Variants in TTPAL observed in about 807,000 individuals in gnomAD.
TTPAL encodes alpha tocopherol transfer protein like.
TTPAL carries 21 observed loss-of-function variants against 28.7 expected under a neutral mutation model. The ratio of observed to expected loss-of-function variants is 0.73; its 90% CI spans 0.52 to 1.06. The LOEUF (loss-of-function observed/expected upper bound fraction) is 1.06, where lower values mean the gene tolerates loss of function less well. Ranked by LOEUF, TTPAL falls within the 50% of genes least tolerant of loss-of-function variation. TTPAL has a pLI of 0.00. For missense variants in TTPAL, 345 were observed against 425.5 expected (o/e 0.81, Z 1.67); for synonymous variants, 169 against 171.9 (o/e 0.98, Z 0.13).
rs758043564 is a variant in TTPAL, at chr20:44,489,317, A to G, written c.805A>G (p.Ile269Val). Residue 269 changes from isoleucine to valine, a missense_variant, in exon 5 of 5, where the codon ATC (isoleucine) becomes GTC (valine). Coordinates refer to ENST00000262605, the MANE Select transcript of TTPAL (RefSeq NM_001039199.3). The stretch of plus-strand genomic sequence containing the variant: ...TCTCCACACAAACCTTCCAAGAAGC[A>G]TCCTCCCCAAGGAGTATGGGGGCAC... ...NSLHTNLPRS[I>V]LPKEYGGTAG... The G allele has an allele frequency of 5.6e-6, 9 of 1,614,154 alleles. No homozygotes were observed. Among genetic ancestry groups the G allele is most frequent in the Non-Finnish European group, 7.6e-6 (9 of 1,180,022 alleles).
In TTPAL at chr20:44,489,304, C is replaced by T. The variant is rs1456270553; in HGVS notation, c.792C>T (p.Asn264=). The change falls in exon 5 of 5, where the codon AAC becomes AAT. Residue 264 remains asparagine (N), a synonymous_variant. Coordinates refer to ENST00000262605, the MANE Select transcript of TTPAL (RefSeq NM_001039199.3). ...HGSDLNSLHT[N]LPRSILPKEY... ...CTGACTTGAACTCTCTCCACACAAA[C>T]CTTCCAAGAAGCATCCTCCCCAAGG... The T allele has an allele frequency of 6.2e-7, 1 of 1,614,182 alleles. No individual in the cohort carries two copies. Among genetic ancestry groups the T allele is most frequent in the Admixed American group, 1.7e-5 (1 of 60,018 alleles).
intron 3 of TTPAL, chr20:44,485,836 G>GT (rs1317763493): frequency 6.6e-6 from 1 of 152,206 alleles, no homozygotes; most frequent in Non-Finnish European, 1.5e-5. Flanking sequence ...GAATTTCACT[G>GT]TAAGAATTTA....
chr20:44,482,398 C>T (rs2064113822), intron 2 of TTPAL, among the ~76,000 whole-genome samples: 1 of 150,900 alleles, frequency 6.6e-6, no homozygotes, highest in Non-Finnish European at 1.5e-5. Flanking sequence ...AACCCCCACC[C>T]CCTGTCTCTA....
intron 2 of TTPAL, among the ~76,000 whole-genome samples, chr20:44,482,913 A>G (rs900585506): frequency 2.6e-5 from 4 of 151,958 alleles, no homozygotes; most frequent in African/African-American, 7.3e-5. Context: ...GTTGGAGTGC[A>G]GTGGCGCGAT....
Position 44,491,068 on chromosome 20 carries a change from T to A in TTPAL, c.*1527T>A, listed in dbSNP as rs1217336010. On this transcript the variant is annotated 3_prime_UTR_variant, in exon 5 of 5. Coordinates refer to ENST00000262605, the MANE Select transcript of TTPAL (RefSeq NM_001039199.3). Reference sequence around the variant, plus strand: ...TCCAGCCTGGGCGACAGAGCAAGACTCTGCCTCAAAAAAAAAAAAAAAAAA... The same window carrying A: ...TCCAGCCTGGGCGACAGAGCAAGACACTGCCTCAAAAAAAAAAAAAAAAAA... 8.7e-5 allele frequency: 11 copies of A among 126,314 alleles called. No individual in the cohort carries two copies. Among genetic ancestry groups the A allele is most frequent in the East Asian group, 2.4e-4 (1 of 4,212 alleles). 7.8% of individuals were successfully genotyped at this position (126,314 alleles called of 1,614,324 possible).
intron 3 of TTPAL, chr20:44,486,335 G>A (rs1375417839): frequency 7.7e-6 from 2 of 260,134 alleles, no homozygotes; most frequent in African/African-American, 4.5e-5. Flanking sequence ...GCCCACCTCG[G>A]CCTCCCAAAC....
rs539967450 is a variant in TTPAL at position 44,493,854 on chromosome 20, T to C, written c.*4313T>C. ...GAGTTTGAGACCAGCCTGGCCAACA[T>C]GGTGAAACCCCATCTCTACTAAAAA... On this transcript the variant is annotated 3_prime_UTR_variant, in exon 5 of 5. Transcript: ENST00000262605. The C allele has an allele frequency of 5.9e-5, 9 of 152,338 alleles. No individual in the cohort carries two copies. The highest frequency in any genetic ancestry group is 2.2e-4 in the African/African-American group (9 of 41,528). 9.4% of individuals were successfully genotyped at this position (152,338 alleles called of 1,614,324 possible).
At chr20:44,479,069 G>A (rs1313755557) in intron 1 of TTPAL, among the ~76,000 whole-genome samples, 4 of 152,002 alleles carry the variant, frequency 2.6e-5, no homozygotes, top group Admixed American at 6.6e-5. Context: ...GATTACAGGC[G>A]TGAGCCACCG....
chr20:44,494,266 G>A lies in TTPAL; in HGVS notation c.*4725G>A, dbSNP rs987121711. The stretch of plus-strand genomic sequence containing the variant: ...TGAGATGCTGCTGCTGTGGATTCTT[G>A]TAGCTATGCCTCGGCTTCTTGGCAT... On this transcript the variant is annotated 3_prime_UTR_variant, in exon 5 of 5. Transcript: ENST00000262605. 1 of 152,686 alleles carries A rather than the reference G, an allele frequency of 6.5e-6. No homozygotes were observed. The highest frequency in any genetic ancestry group is 2.4e-5 in the African/African-American group (1 of 41,426). 9.5% of individuals were successfully genotyped at this position (152,686 alleles called of 1,614,324 possible).
chr20:44,489,509 G>C lies in TTPAL; in HGVS notation c.997G>C (p.Ala333Pro). 6.2e-7 allele frequency: 1 copy of C among 1,614,232 alleles called. No individual in the cohort carries two copies. Among genetic ancestry groups the C allele is most frequent in the Non-Finnish European group, 8.5e-7 (1 of 1,180,036 alleles). Residue 333 changes from alanine to proline, a missense_variant, in exon 5 of 5, where the codon GCT (alanine) becomes CCT (proline). By Grantham distance (27) the Ala-to-Pro change is conservative. Transcript: ENST00000262605. ...TGCACAGTGTGACGACTCCTTGCGA[G>C]CTGTGAAGTCACAGCTGTACTCCTG... Reference protein sequence around the residue: ...SDAQCDDSLRAVKSQLYSCY With the variant: ...SDAQCDDSLRPVKSQLYSCY
intron 1 of TTPAL, among the ~76,000 whole-genome samples, chr20:44,477,654 T>C (rs1034569302): frequency 2.0e-5 from 3 of 151,736 alleles, no homozygotes; most frequent in African/African-American, 4.8e-5. Context: ...TATTTATTTA[T>C]TTATTTATTT....
intron 2 of TTPAL, among the ~76,000 whole-genome samples, chr20:44,482,370 C>T (rs534248599): frequency 3.2e-3 from 490 of 151,782 alleles, no homozygotes; most frequent in African/African-American, 9.4e-3. Context: ...ACACAGTAAA[C>T]GGCCCCCGCC....
chr20:44,480,736 C>T lies in TTPAL; in HGVS notation c.445+292C>T, dbSNP rs1404270767. On this transcript the variant is annotated intron_variant, in intron 2 of 4. Coordinates refer to ENST00000262605, the MANE Select transcript of TTPAL (RefSeq NM_001039199.3). The surrounding 1 kb of genome is among the most constrained non-coding windows in gnomAD (Gnocchi z 4.1). The stretch of plus-strand genomic sequence containing the variant: ...ACCAGGAGCCAAGACAGCCGTTCTC[C>T]CTGTCTCTGCCTGACGGTCTGTGTA... Among the ~76,000 whole-genome samples the T allele has an allele frequency of 1.3e-5, 2 of 152,206 alleles. No homozygotes were observed. Among genetic ancestry groups the T allele is most frequent in the Non-Finnish European group, 2.9e-5 (2 of 68,040 alleles).
Position 44,489,379 on chromosome 20 carries a change from A to T in TTPAL, c.867A>T (p.Val289=). The part of the protein sequence containing the change: ...GELDTATWNA[V]LLASEDDFVK... ...TGGACACTGCCACCTGGAACGCGGT[A>T]CTGCTGGCTTCAGAAGACGATTTTG... The change falls in exon 5 of 5, where the codon GTA becomes GTT. Residue 289 remains valine (V), a synonymous_variant. Coordinates refer to ENST00000262605, the MANE Select transcript of TTPAL (RefSeq NM_001039199.3). 1 of 1,614,134 alleles carries T rather than the reference A, an allele frequency of 6.2e-7. No individual in the cohort carries two copies. Among genetic ancestry groups the T allele is most frequent in the Non-Finnish European group, 8.5e-7 (1 of 1,180,010 alleles).
At position 44,490,914 on chromosome 20, in the gene TTPAL, A is replaced by T. The variant is rs2064199091; in HGVS notation, c.*1373A>T. 1 of 151,300 alleles carries T rather than the reference A, an allele frequency of 6.6e-6. No homozygotes were observed. Among genetic ancestry groups the T allele is most frequent in the African/African-American group, 2.4e-5 (1 of 41,092 alleles). 9.4% of individuals were successfully genotyped at this position (151,300 alleles called of 1,614,324 possible). A position where few individuals can be genotyped will look rare whatever the true frequency, so the allele number is the denominator to read the frequency against. ...AAGATGGTGAAACCCCATCTCTACT[A>T]AAAATACAAAAATTAGCTGGGCGTG... On this transcript the variant is annotated 3_prime_UTR_variant, in exon 5 of 5. Coordinates refer to ENST00000262605, the MANE Select transcript of TTPAL (RefSeq NM_001039199.3).
In TTPAL at chr20:44,486,722, A is replaced by G. The variant is rs528272283; in HGVS notation, c.750+16A>G. The G allele has an allele frequency of 3.6e-5, 52 of 1,431,932 alleles. No homozygotes were observed. The South Asian group carries it at 5.0e-4, about 14-fold the overall frequency. 88.7% of individuals were successfully genotyped at this position (1,431,932 alleles called of 1,614,324 possible). On this transcript the variant is annotated intron_variant, in intron 4 of 4. Coordinates refer to ENST00000262605, the MANE Select transcript of TTPAL (RefSeq NM_001039199.3). ...AGCAAACAGAGTAAGTGATGATCCT[A>G]TTGACTTCAGATTTTTCTTTTCCTC...
intron 4 of TTPAL, among the ~76,000 whole-genome samples, 172 bp downstream of exon 4, chr20:44,486,878 T>A (rs972031864): frequency 6.6e-6 from 1 of 152,150 alleles, no homozygotes; most frequent in African/African-American, 2.4e-5. Flanking sequence ...GAAGAGTAAA[T>A]GAACAAGAAT....
Position 44,484,539 on chromosome 20 carries a change from C to T in TTPAL, c.639+9C>T, listed in dbSNP as rs537101910. The T allele has an allele frequency of 5.8e-6, 9 of 1,543,368 alleles. No homozygotes were observed. The highest frequency in any genetic ancestry group is 5.1e-5 in the Admixed American group (3 of 58,566). ...TGATTGGCATCCTCCAGGTAAGACCCGTATGTGTCCTGCCTGTTTCGTGGT... is the reference window on the plus strand; with the variant it reads ...TGATTGGCATCCTCCAGGTAAGACCTGTATGTGTCCTGCCTGTTTCGTGGT... On this transcript the variant is annotated intron_variant, in intron 3 of 4. Transcript: ENST00000262605.
Position 44,490,142 on chromosome 20 carries a change from G to A in TTPAL, c.*601G>A, listed in dbSNP as rs2064191470. The A allele has an allele frequency of 6.5e-6, 1 of 152,922 alleles. No homozygotes were observed. Among genetic ancestry groups the A allele is most frequent in the Admixed American group, 6.5e-5 (1 of 15,360 alleles). 9.5% of individuals were successfully genotyped at this position (152,922 alleles called of 1,614,324 possible). ...CATCAGGACATAAGCAGCACTTTGT[G>A]GTCAAATGTGGAAGCCGGAGACTTC... On this transcript the variant is annotated 3_prime_UTR_variant, in exon 5 of 5. Coordinates refer to ENST00000262605, the MANE Select transcript of TTPAL (RefSeq NM_001039199.3).
Sources: allele counts gnomAD v4.1 joint callset (sites outside exome capture counted in the v4.1 genomes callset), GRCh38; gene constraint gnomAD v4.1.1; non-coding constraint Gnocchi (gnomAD v3.1); transcripts MANE v1.5; gene names NCBI Gene and HGNC (gene_info 2026-07-23, HGNC 2026-07-21).